The following EPHA6 variants were observed in gnomAD, a reference collection of about 807,000 sequenced individuals.
EPHA6 encodes the protein EPH receptor A6, also known as ephrin type-A receptor 6.
In EPHA6, 50 loss-of-function variants were observed where a neutral mutation model predicts 112.0. The observed-to-expected ratio is 0.45, with a 90% CI of 0.36 to 0.56. EPHA6 has a LOEUF of 0.56. EPHA6 is among the 20% of genes least tolerant of loss of function. The probability of loss-of-function intolerance (pLI) is 0.00; values close to 1 mark genes in which losing one functional copy is unlikely to be tolerated. For missense variants in EPHA6, 1,280 were observed against 1,417.4 expected, an observed-to-expected ratio of 0.90 and a Z score of 1.56; for synonymous variants, 529 against 490.7, an observed-to-expected ratio of 1.08 and a Z score of -1.03.
At chr3:97,315,585 T>C (rs2081787934) in intron 5 of EPHA6, among the ~76,000 whole-genome samples, 1 of 151,700 alleles carries the variant, frequency 6.6e-6, no homozygotes, top group African/African-American at 2.4e-5. Context: ...TTAGATATAA[T>C]TTAGCAAACT....
At chr3:97,491,257 T>C (rs552225178) in intron 10 of EPHA6, among the ~76,000 whole-genome samples, 8 of 152,274 alleles carry the variant, frequency 5.3e-5, no homozygotes, top group Non-Finnish European at 7.3e-5. Flanking sequence ...ACAAATAGTA[T>C]TGTTTCATTA....
intron 11 of EPHA6, among the ~76,000 whole-genome samples, chr3:97,579,543 T>C (rs2093418160): frequency 6.6e-6 from 1 of 152,120 alleles, no homozygotes; most frequent in Admixed American, 6.6e-5. Context: ...AGGGTGTACT[T>C]TCCTCCCCCT....
intron 13 of EPHA6, among the ~76,000 whole-genome samples, chr3:97,634,232 T>A (rs145991199): frequency 1.7e-4 from 26 of 152,176 alleles, no homozygotes; most frequent in Non-Finnish European, 3.7e-4. Context: ...ATTGAGAGAA[T>A]GAAATAAAAT....
At chr3:97,664,965 C>G (rs976159159) in intron 14 of EPHA6, among the ~76,000 whole-genome samples, 2 of 152,162 alleles carry the variant, frequency 1.3e-5, no homozygotes, top group African/African-American at 4.8e-5. Flanking sequence ...TTGGAAAAAA[C>G]TAATTTAAAG....
intron 3 of EPHA6, among the ~76,000 whole-genome samples, chr3:97,005,439 A>G (rs548707858): frequency 6.6e-6 from 1 of 152,282 alleles, no homozygotes; most frequent in South Asian, 2.1e-4. Context: ...ATGTAAAGGA[A>G]TGCTTGTGAG....
At chr3:97,073,601 CAT>C (rs1445786874) in intron 3 of EPHA6, among the ~76,000 whole-genome samples, 5 of 152,172 alleles carry the variant, frequency 3.3e-5, no homozygotes, top group Non-Finnish European at 1.5e-5. Flanking sequence ...ACATCAATAA[CAT>C]ACTCTTTTTA....
intron 5 of EPHA6, among the ~76,000 whole-genome samples, chr3:97,399,778 T>C (rs2086885970): frequency 6.6e-6 from 1 of 151,748 alleles, no homozygotes; most frequent in South Asian, 2.1e-4. Context: ...TTAAATAGGA[T>C]TATTTGTTTT....
intron 3 of EPHA6, among the ~76,000 whole-genome samples, chr3:97,175,835 A>G (rs1267089164): frequency 6.6e-6 from 1 of 151,910 alleles, no homozygotes; most frequent in Non-Finnish European, 1.5e-5. Context: ...ATACAAGATC[A>G]TATCATCAGC....
chr3:97,572,147 CTT>C (rs869271956), intron 11 of EPHA6, among the ~76,000 whole-genome samples: 28 of 128,352 alleles, frequency 2.2e-4, no homozygotes, highest in Middle Eastern at 4.4e-3. Context: ...ATCTCTTTTC[CTT>C]TTTTTTTTTT....
chr3:97,279,397 A>C (rs1260876822), intron 5 of EPHA6, among the ~76,000 whole-genome samples: 1 of 152,138 alleles, frequency 6.6e-6, no homozygotes, highest in Non-Finnish European at 1.5e-5. Context: ...ATCTCTAACA[A>C]GGGTGACTAA....
intron 2 of EPHA6, among the ~76,000 whole-genome samples, chr3:96,895,813 T>G (rs944698654): frequency 3.9e-5 from 6 of 152,218 alleles, no homozygotes; most frequent in African/African-American, 1.4e-4. Context: ...CTGCCATCTT[T>G]ACATGTCCAT....
chr3:97,442,837 C>A (rs1417933406), intron 6 of EPHA6, among the ~76,000 whole-genome samples: 3 of 152,080 alleles, frequency 2.0e-5, no homozygotes, highest in African/African-American at 7.2e-5. Flanking sequence ...GGTTCAGTGT[C>A]TATTTCCTTT....
chr3:97,582,176 T>C (rs1043231769), intron 11 of EPHA6, among the ~76,000 whole-genome samples: 6 of 152,076 alleles, frequency 3.9e-5, no homozygotes, highest in Non-Finnish European at 5.9e-5. Flanking sequence ...ATTGCAGGCA[T>C]GTGCCACCAC....
rs907993763 is a variant in EPHA6, at chr3:97,758,335, T to C, written c.*9634T>C. On this transcript the variant is annotated 3_prime_UTR_variant, in exon 18 of 18. Transcript: ENST00000389672. ...TCAGTCAAAGCTTAGTGTTTACCTCTTTAAACTATATAACAAATATAACCG... is the reference window on the plus strand; with the variant it reads ...TCAGTCAAAGCTTAGTGTTTACCTCCTTAAACTATATAACAAATATAACCG... Among the ~76,000 whole-genome samples, 2 of 152,024 alleles carry C rather than the reference T, an allele frequency of 1.3e-5. No individual in the cohort carries two copies. Among genetic ancestry groups the C allele is most frequent in the African/African-American group, 4.8e-5 (2 of 41,444 alleles).
chr3:96,965,743 A>G (rs1013000646), intron 2 of EPHA6, among the ~76,000 whole-genome samples: 2 of 152,106 alleles, frequency 1.3e-5, no homozygotes, highest in Admixed American at 1.3e-4. Context: ...TCGTTCAGCA[A>G]CATTTGTTTA....
chr3:97,730,828 C>T (rs112760244), intron 15 of EPHA6, among the ~76,000 whole-genome samples: 6 of 152,096 alleles, frequency 3.9e-5, no homozygotes, highest in African/African-American at 7.2e-5. Context: ...GCTGGGAACA[C>T]GTGGAACAAA....
At chr3:97,733,070 C>G (rs1278407664) in intron 15 of EPHA6, among the ~76,000 whole-genome samples, 2 of 151,940 alleles carry the variant, frequency 1.3e-5, no homozygotes, top group South Asian at 2.1e-4. Context: ...GGCAAGGGAA[C>G]CTACCCGCTC....
intron 5 of EPHA6, among the ~76,000 whole-genome samples, chr3:97,284,175 T>C (rs2080384523): frequency 1.3e-5 from 2 of 152,280 alleles, no homozygotes; most frequent in African/African-American, 4.8e-5. Context: ...ATCTGTGACA[T>C]CATAAACCTA....
chr3:97,468,869 G>T (rs896819267), intron 7 of EPHA6, among the ~76,000 whole-genome samples: 3 of 151,620 alleles, frequency 2.0e-5, no homozygotes, highest in African/African-American at 7.3e-5. Context: ...TATATAGAAA[G>T]TTGAAACATA....
Sources: allele counts gnomAD v4.1 joint callset (sites outside exome capture counted in the v4.1 genomes callset), GRCh38; gene constraint gnomAD v4.1.1; transcripts MANE v1.5; gene names NCBI Gene and HGNC (gene_info 2026-07-23, HGNC 2026-07-21).